The following RBFOX1 variants were observed in gnomAD, a reference collection of about 807,000 sequenced individuals.
RBFOX1 encodes RNA binding fox-1 homolog 1, also known as RNA binding protein fox-1 homolog 1.
RBFOX1 carries 8 observed loss-of-function variants against 57.7 expected under a neutral mutation model. That is an observed-to-expected ratio of 0.14 (90% CI 0.08 to 0.25). RBFOX1 has a LOEUF of 0.25. RBFOX1 is among the 10% of genes least tolerant of loss of function. The pLI, the probability that RBFOX1 is intolerant of heterozygous loss-of-function variation, is 1.00. For synonymous variants in RBFOX1, 326 were observed against 222.4 expected (o/e 1.47, Z -4.15); for missense variants, 611 against 548.5 (o/e 1.11, Z -1.14).
intron 1 of RBFOX1, among the ~76,000 whole-genome samples, chr16:6,147,538 C>T (rs1384271324): frequency 6.6e-6 from 1 of 152,082 alleles, no homozygotes; most frequent in Non-Finnish European, 1.5e-5. Flanking sequence ...ATTTAAAGGT[C>T]CCCAATAGGA....
intron 3 of RBFOX1, among the ~76,000 whole-genome samples, chr16:5,803,483 T>G (rs2055124891): frequency 6.6e-6 from 1 of 152,228 alleles, no homozygotes. Flanking sequence ...TCATCCATTT[T>G]TAATAACGGT....
intron 4 of RBFOX1, among the ~76,000 whole-genome samples, chr16:7,431,868 A>G (rs1240869212): frequency 1.3e-5 from 2 of 152,190 alleles, no homozygotes; most frequent in Non-Finnish European, 2.9e-5. Context: ...TTAGCTCCCC[A>G]TTAGAAAGAC....
At chr16:5,576,151 T>C (rs981640074) in intron 2 of RBFOX1, among the ~76,000 whole-genome samples, 1 of 152,056 alleles carries the variant, frequency 6.6e-6, no homozygotes. Flanking sequence ...ATCCGGCTAA[T>C]GTTTGTATTT....
chr16:5,426,310 G>C (rs778546743), intron 1 of RBFOX1, among the ~76,000 whole-genome samples: 22 of 152,086 alleles, frequency 1.4e-4, no homozygotes, highest in Non-Finnish European at 2.6e-4. Context: ...ATCTGATTCA[G>C]GATGTCTGTA....
intron 3 of RBFOX1, among the ~76,000 whole-genome samples, chr16:6,801,758 G>T (rs549761806): frequency 2.0e-5 from 3 of 152,140 alleles, no homozygotes; most frequent in Non-Finnish European, 4.4e-5. Context: ...GTTACAGGGA[G>T]AAGGTCTGGA....
intron 1 of RBFOX1, among the ~76,000 whole-genome samples, chr16:6,302,657 G>A (rs866792442): frequency 6.6e-6 from 1 of 152,044 alleles, no homozygotes; most frequent in South Asian, 2.1e-4. Context: ...ATACGAACCA[G>A]GTCATCTGTT....
intron 2 of RBFOX1, among the ~76,000 whole-genome samples, chr16:6,573,412 C>G (rs1274834946): frequency 6.6e-6 from 1 of 152,144 alleles, no homozygotes; most frequent in Non-Finnish European, 1.5e-5. Flanking sequence ...TGGCCTGTCT[C>G]TTGAGTAAGA....
intron 9 of RBFOX1, among the ~76,000 whole-genome samples, chr16:7,606,051 C>G (rs567977236): frequency 2.0e-5 from 3 of 152,106 alleles, no homozygotes; most frequent in South Asian, 2.1e-4. Flanking sequence ...CCTCAAGTAA[C>G]CTGCCTGCCT....
intron 4 of RBFOX1, among the ~76,000 whole-genome samples, chr16:7,065,565 G>A (rs940397126): frequency 6.6e-6 from 1 of 152,160 alleles, no homozygotes; most frequent in African/African-American, 2.4e-5. Context: ...ATTGTATACA[G>A]CATGGTGTTT....
intron 2 of RBFOX1, among the ~76,000 whole-genome samples, chr16:6,437,550 C>G (rs902365540): frequency 9.9e-5 from 15 of 152,266 alleles, no homozygotes; most frequent in African/African-American, 3.1e-4. Flanking sequence ...CCAGTCATTT[C>G]TAATAGATGG....
chr16:6,784,874 A>C (rs1444242069), intron 3 of RBFOX1, among the ~76,000 whole-genome samples: 1 of 152,114 alleles, frequency 6.6e-6, no homozygotes, highest in African/African-American at 2.4e-5. Context: ...TATAAGAGCT[A>C]AGTGAAGGTC....
intron 3 of RBFOX1, among the ~76,000 whole-genome samples, chr16:5,654,087 T>C (rs974770949): frequency 9.2e-5 from 14 of 152,210 alleles, no homozygotes; most frequent in African/African-American, 3.4e-4. Flanking sequence ...GCATAGACTT[T>C]GCAGTGAGGA....
intron 3 of RBFOX1, among the ~76,000 whole-genome samples, chr16:5,770,860 A>G (rs1348693260): frequency 6.6e-6 from 1 of 152,054 alleles, no homozygotes; most frequent in Non-Finnish European, 1.5e-5. Context: ...TGATCACGGC[A>G]CTCTTTTTCT....
In RBFOX1 at chr16:5,853,379, G is replaced by A. The variant is rs536041159; in HGVS notation, c.319-13924G>A. Reference sequence around the variant, plus strand: ...GAAAACAAAGCAAAGCTTTGTGAGCGTGTTGGAGTCCTGCCCTGGGCACGG... The same window carrying A: ...GAAAACAAAGCAAAGCTTTGTGAGCATGTTGGAGTCCTGCCCTGGGCACGG... On this transcript the variant is annotated intron_variant, in intron 3 of 19. Coordinates refer to the RBFOX1 transcript ENST00000641259. 1.6e-4 allele frequency among the ~76,000 whole-genome samples: 25 copies of A among 152,312 alleles called. No individual in the cohort carries two copies. In the South Asian group the frequency reaches 3.3e-3, roughly 20 times the overall value.
intron 3 of RBFOX1, among the ~76,000 whole-genome samples, chr16:6,768,255 ACTT>A (rs2077697770): frequency 6.6e-6 from 1 of 152,050 alleles, no homozygotes; most frequent in Non-Finnish European, 1.5e-5. Flanking sequence ...TACTCCATAT[ACTT>A]TTTTTTCCTG....
At chr16:7,356,478 C>T (rs1294798544) in intron 4 of RBFOX1, among the ~76,000 whole-genome samples, 4 of 151,924 alleles carry the variant, frequency 2.6e-5, no homozygotes, top group Non-Finnish European at 4.4e-5. Context: ...GCCAGGATGG[C>T]CAGGGCCTTG....
At chr16:5,321,560 T>C (rs1228123946) in intron 1 of RBFOX1, among the ~76,000 whole-genome samples, 1 of 152,136 alleles carries the variant, frequency 6.6e-6, no homozygotes, top group Non-Finnish European at 1.5e-5. Flanking sequence ...GACCTCGTGA[T>C]CCGCCCATGT....
intron 1 of RBFOX1, among the ~76,000 whole-genome samples, chr16:5,417,892 C>T (rs892405453): frequency 2.0e-5 from 3 of 152,028 alleles, no homozygotes; most frequent in Non-Finnish European, 4.4e-5. Flanking sequence ...ATCATCCTGG[C>T]GAACATAGTG....
intron 4 of RBFOX1, among the ~76,000 whole-genome samples, chr16:7,264,216 A>C (rs919757410): frequency 6.6e-6 from 1 of 152,216 alleles, no homozygotes; most frequent in East Asian, 1.9e-4. Context: ...TCCTTCAAAA[A>C]GACAAGGTAA....
Sources: allele counts gnomAD v4.1 joint callset (sites outside exome capture counted in the v4.1 genomes callset), GRCh38; gene constraint gnomAD v4.1.1; transcripts MANE v1.5; gene names NCBI Gene and HGNC (gene_info 2026-07-23, HGNC 2026-07-21).